CCDC47: variants seen among roughly 807,000 people sequenced by gnomAD.
The protein encoded by CCDC47 is PAT complex subunit CCDC47.
A neutral mutation model predicts 60.5 loss-of-function variants in CCDC47; 41 were observed. The ratio of observed to expected loss-of-function variants is 0.68; its 90% CI spans 0.53 to 0.88. The LOEUF (loss-of-function observed/expected upper bound fraction) is 0.88, where lower values mean the gene tolerates loss of function less well. Ranked by LOEUF, CCDC47 falls within the 40% of genes least tolerant of loss-of-function variation. The pLI, the probability that CCDC47 is intolerant of heterozygous loss-of-function variation, is 0.00. For synonymous variants in CCDC47, 195 were observed against 190.7 expected, an observed-to-expected ratio of 1.02 and a Z score of -0.18; for missense variants, 513 against 580.9, an observed-to-expected ratio of 0.88 and a Z score of 1.20.
Position 63,746,907 on chromosome 17 carries a change from T to G in CCDC47, c.1426A>C (p.Lys476Gln). The G allele has an allele frequency of 6.2e-7, 1 of 1,613,810 alleles. No homozygotes were observed. The highest frequency in any genetic ancestry group is 1.1e-5 in the South Asian group (1 of 90,998). ...KKLEKKQMKMKQIKVKAM is the reference protein window; with the variant it reads ...KKLEKKQMKMQQIKVKAM Reference sequence around the variant, plus strand: ...TACATGGCTTTCACTTTGATTTGTTTCATTTTCATTTGCTTCTTTTCCAAC... The same window carrying G: ...TACATGGCTTTCACTTTGATTTGTTGCATTTTCATTTGCTTCTTTTCCAAC... Residue 476 changes from lysine to glutamine, a missense_variant, in exon 13 of 13, where the codon AAA becomes CAA. Physicochemically the swap from Lys to Gln is moderately conservative, Grantham distance 53. Transcript: ENST00000225726.
In CCDC47 at chr17:63,760,993, G is replaced by C; in HGVS notation, c.670-14C>G. 1 of 1,609,796 alleles carries C rather than the reference G, an allele frequency of 6.2e-7. No individual in the cohort carries two copies. On this transcript the variant is annotated splice_polypyrimidine_tract_variant and intron_variant, in intron 5 of 12. Transcript: ENST00000225726. Reference sequence around the variant, plus strand: ...TCTCTTGAGGAACTGAAAAAAATGAGAGAAGTAAGTAAATCCAACTGCAAC... The same window carrying C: ...TCTCTTGAGGAACTGAAAAAAATGACAGAAGTAAGTAAATCCAACTGCAAC...
chr17:63,762,254 C>G, intron 4 of CCDC47: 1 of 985,306 alleles, frequency 1.0e-6, no homozygotes, highest in Non-Finnish European at 1.2e-6. Context: ...CAAATGAAAA[C>G]AAGCAAGGGG....
chr17:63,746,614 C>T lies in CCDC47; in HGVS notation c.*267G>A, dbSNP rs927143491. 3 of 337,802 alleles carry T rather than the reference C, an allele frequency of 8.9e-6. No homozygotes were observed. The highest frequency in any genetic ancestry group is 1.6e-5 in the Non-Finnish European group (3 of 185,558). The allele number at this position is 337,802 out of a possible 1,614,324, so 20.9% of individuals were successfully genotyped here. ...TAATTTTTAAAATATTTAAAACCTA[C>T]ACAGATTTCATAGATCATTCCTTTT... On this transcript the variant is annotated 3_prime_UTR_variant, in exon 13 of 13. Coordinates refer to ENST00000225726, the MANE Select transcript of CCDC47 (RefSeq NM_020198.3).
At chr17:63,751,725 T>C (rs2039166953) in intron 12 of CCDC47, 4 of 630,512 alleles carry the variant, frequency 6.3e-6, no homozygotes, top group Non-Finnish European at 1.1e-5. Context: ...AACAGGATAA[T>C]ACTGATAATT....
chr17:63,749,741 C>CT (rs1165841608), intron 12 of CCDC47, among the ~76,000 whole-genome samples: 1 of 148,880 alleles, frequency 6.7e-6, no homozygotes, highest in African/African-American at 2.5e-5. Context: ...GAGCGAGACT[C>CT]TGTCTCAAAA....
chr17:63,771,323 A>G (rs750374758), intron 1 of CCDC47, among the ~76,000 whole-genome samples: 3 of 152,192 alleles, frequency 2.0e-5, no homozygotes, highest in Non-Finnish European at 2.9e-5. Flanking sequence ...TAGGAGGTGC[A>G]TAGGTTATAC....
chr17:63,764,315 G>T, intron 3 of CCDC47, 125 bp from the exon 4 acceptor site: 2 of 699,948 alleles, frequency 2.9e-6, no homozygotes, highest in South Asian at 4.4e-5. Context: ...CATTGAATAA[G>T]GTTATACTTT....
chr17:63,771,770 A>G (rs1265935583), intron 1 of CCDC47, among the ~76,000 whole-genome samples: 1 of 152,118 alleles, frequency 6.6e-6, no homozygotes, highest in East Asian at 1.9e-4. Flanking sequence ...ACTTTGGTGA[A>G]ATTAGACTTG....
chr17:63,766,880 A>T, intron 1 of CCDC47: 1 of 979,322 alleles, frequency 1.0e-6, no homozygotes, highest in Non-Finnish European at 1.2e-6. Context: ...TTTATCTGTT[A>T]GTGGTAACAA....
chr17:63,765,806 G>A lies in CCDC47; in HGVS notation c.264+106C>T, dbSNP rs1027114759. The A allele has an allele frequency of 3.4e-5, 47 of 1,376,466 alleles. No individual in the cohort carries two copies. In the Middle Eastern group the frequency reaches 1.6e-3, roughly 45 times the overall value. The allele number at this position is 1,376,466 out of a possible 1,614,324, so 85.3% of individuals were successfully genotyped here. On this transcript the variant is annotated intron_variant, in intron 2 of 12. Transcript: ENST00000225726. ...AGAGCTCTACCTAGTGAATGAAAAT[G>A]AAGACTCCAGACAGTAAAGGTCTCT...
intron 1 of CCDC47, among the ~76,000 whole-genome samples, chr17:63,769,961 CTTTT>C (rs397857898): frequency 3.1e-5 from 4 of 128,428 alleles, no homozygotes; most frequent in Non-Finnish European, 4.8e-5. Context: ...ATTTTTCTTT[CTTTT>C]TTTTTTTTTT....
At chr17:63,761,604 G>A in intron 4 of CCDC47, 1 of 253,598 alleles carries the variant, frequency 3.9e-6, no homozygotes, top group Admixed American at 5.0e-5. Flanking sequence ...GGCTGAGGCA[G>A]GAGAATAGCT....
At position 63,751,365 on chromosome 17, in the gene CCDC47, C is replaced by CAAAAAAAAAAAAAAAAAAAAA. The variant is rs59161342; in HGVS notation, c.1371+554_1371+574dup. Among the ~76,000 whole-genome samples, 20 of 29,512 alleles carry CAAAAAAAAAAAAAAAAAAAAA rather than the reference C, an allele frequency of 6.8e-4. 4 individuals carry two copies. The highest frequency in any genetic ancestry group is 9.1e-4 in the Non-Finnish European group (15 of 16,480). The allele number at this position is 29,512 out of a possible 152,430, so 19.4% of individuals were successfully genotyped here. A position where few individuals can be genotyped will look rare whatever the true frequency, so the allele number is the denominator to read the frequency against. The stretch of plus-strand genomic sequence containing the variant: ...TGGGTGACAGAGTGAGACTCCATCT[C>CAAAAAAAAAAAAAAAAAAAAA]AAAAAAAAAAAAAAAAAAAAAAAAA... On this transcript the variant is annotated intron_variant, in intron 12 of 12. Coordinates refer to ENST00000225726, the MANE Select transcript of CCDC47 (RefSeq NM_020198.3).
chr17:63,747,322 G>A (rs1432002934), intron 12 of CCDC47: 26 of 983,940 alleles, frequency 2.6e-5, no homozygotes, highest in Non-Finnish European at 3.1e-5. Context: ...TATCATAAAT[G>A]TATAACTGCC....
At position 63,764,851 on chromosome 17, in the gene CCDC47, C is replaced by T. The variant is rs749949616; in HGVS notation, c.265-4G>A. 2 of 1,607,930 alleles carry T rather than the reference C, an allele frequency of 1.2e-6. No individual in the cohort carries two copies. The highest frequency in any genetic ancestry group is 1.7e-5 in the Admixed American group (1 of 58,590). On this transcript the variant is annotated splice_region_variant and splice_polypyrimidine_tract_variant and intron_variant, in intron 2 of 12. Coordinates refer to ENST00000225726, the MANE Select transcript of CCDC47 (RefSeq NM_020198.3). The stretch of plus-strand genomic sequence containing the variant: ...GTTCACTCTCAGTATCTCCCTCCTA[C>T]AAAAATGAGGCATCATCCGTTTTCC...
chr17:63,766,246 C>A, intron 1 of CCDC47, 52 bp from the exon 2 acceptor site: 1 of 1,497,012 alleles, frequency 6.7e-7, no homozygotes, highest in South Asian at 1.3e-5. Flanking sequence ...ACATACTGAT[C>A]AGATTTTATA....
At chr17:63,750,427 G>A (rs898751521) in intron 12 of CCDC47, among the ~76,000 whole-genome samples, 6 of 152,028 alleles carry the variant, frequency 3.9e-5, no homozygotes, top group African/African-American at 1.4e-4. Flanking sequence ...CAGTATCCTG[G>A]GCAGTTCACT....
chr17:63,754,597 G>T, intron 8 of CCDC47, 79 bp from the exon 9 acceptor site: 1 of 909,668 alleles, frequency 1.1e-6, no homozygotes, highest in Non-Finnish European at 1.7e-6. Flanking sequence ...TTCACTCTTT[G>T]AGATGGTGCA....
chr17:63,746,650 C>G lies in CCDC47; in HGVS notation c.*231G>C, dbSNP rs930260130. 4.4e-4 allele frequency: 184 copies of G among 413,752 alleles called. 1 individual carries two copies. The East Asian group carries it at 6.1e-3, about 14-fold the overall frequency. 25.6% of individuals were successfully genotyped at this position (413,752 alleles called of 1,614,324 possible). On this transcript the variant is annotated 3_prime_UTR_variant, in exon 13 of 13. Transcript: ENST00000225726. ...TAGATCATTCCTTTTATAAAATAAT[C>G]AAAATAATTTGATTATCTGGAAAAA...
Sources: allele counts gnomAD v4.1 joint callset (sites outside exome capture counted in the v4.1 genomes callset), GRCh38; gene constraint gnomAD v4.1.1; transcripts MANE v1.5; gene names NCBI Gene and HGNC (gene_info 2026-07-23, HGNC 2026-07-21).